The following ZMYND11 variants were observed in gnomAD, a reference collection of about 807,000 sequenced individuals.
ZMYND11 encodes the protein zinc finger MYND domain-containing protein 11.
Under a neutral mutation model 84.9 loss-of-function variants are expected in ZMYND11, and 9 were observed. The observed-to-expected ratio is 0.11, with a 90% CI of 0.06 to 0.18. The LOEUF is 0.18. Among genes scored for constraint, ZMYND11 ranks in the 10% least tolerant of loss-of-function variants. The pLI is 1.00. For synonymous variants in ZMYND11, 250 were observed against 244.1 expected (o/e 1.02, Z -0.23); for missense variants, 409 against 761.0 (o/e 0.54, Z 5.44).
intron 1 of ZMYND11, among the ~76,000 whole-genome samples, chr10:170,204 T>C (rs1191958642): frequency 7.2e-5 from 11 of 152,106 alleles, no homozygotes; most frequent in Non-Finnish European, 1.3e-4. Context: ...AAAGTAAAGA[T>C]ACAGACTTTC....
At chr10:247,084 T>C in intron 11 of ZMYND11, 111 bp downstream of exon 11, 1 of 1,171,686 alleles carries the variant, frequency 8.5e-7, no homozygotes, top group Admixed American at 2.2e-5. Context: ...CCTTCCCTTT[T>C]TTACATTTGT....
intron 1 of ZMYND11, among the ~76,000 whole-genome samples, chr10:159,236 T>C (rs1842468159): frequency 1.3e-5 from 2 of 152,060 alleles, no homozygotes; most frequent in African/African-American, 4.8e-5. Context: ...ATTTTATGTA[T>C]ACATCATTTT....
At chr10:137,013 A>G (rs1231644934) in intron 1 of ZMYND11, among the ~76,000 whole-genome samples, 1 of 152,120 alleles carries the variant, frequency 6.6e-6, no homozygotes, top group Non-Finnish European at 1.5e-5. Flanking sequence ...TGGCATGTAC[A>G]GTATGTATAC....
intron 2 of ZMYND11, among the ~76,000 whole-genome samples, chr10:184,093 G>A (rs1848437812): frequency 6.6e-6 from 1 of 152,080 alleles, no homozygotes; most frequent in South Asian, 2.1e-4. Context: ...GTGGCTACTG[G>A]GTTTTATTTA....
intron 1 of ZMYND11, among the ~76,000 whole-genome samples, chr10:168,998 TCTC>T (rs1330327494): frequency 8.5e-5 from 13 of 152,090 alleles, no homozygotes; most frequent in Middle Eastern, 3.4e-3. Flanking sequence ...TGAAGAAAAA[TCTC>T]CTTGTGCTTC....
intron 12 of ZMYND11, among the ~76,000 whole-genome samples, chr10:248,067 G>C (rs780002423): frequency 6.6e-6 from 1 of 152,114 alleles, no homozygotes; most frequent in Non-Finnish European, 1.5e-5. Flanking sequence ...TTATAGTATT[G>C]ATAAGTAAAA....
Position 247,555 on chromosome 10 carries a change from AG to A in ZMYND11, c.1227+90del, listed in dbSNP as rs1268610224. On this transcript the variant is annotated intron_variant, in intron 12 of 14. Coordinates refer to ENST00000381604, the MANE Select transcript of ZMYND11 (RefSeq NM_001370100.5). ...TGTATTTTCAAAGTATTTCAAAGAC[AG>A]TCACTCTTGGTGGATACTTGTGAAA... 4 of 1,393,706 alleles carry A rather than the reference AG, an allele frequency of 2.9e-6. No individual in the cohort carries two copies. The East Asian group carries it at 9.9e-5, about 35-fold the overall frequency. 86.3% of individuals were successfully genotyped at this position (1,393,706 alleles called of 1,614,324 possible). A position where few individuals can be genotyped will look rare whatever the true frequency, so the allele number is the denominator to read the frequency against.
upstream of ZMYND11, among the ~76,000 whole-genome samples, chr10:130,417 T>C (rs1461156038): frequency 3.9e-5 from 6 of 152,210 alleles, no homozygotes; most frequent in African/African-American, 1.4e-4. Flanking sequence ...GGAGCTCCTT[T>C]TGTGTCAGGC....
At chr10:223,032 CTT>C (rs11362687) in intron 4 of ZMYND11, among the ~76,000 whole-genome samples, 72 of 144,032 alleles carry the variant, frequency 5.0e-4, no homozygotes, top group East Asian at 1.0e-3. Flanking sequence ...TTCCTTTACT[CTT>C]TTTTTTTTTT....
intron 1 of ZMYND11, among the ~76,000 whole-genome samples, chr10:173,792 CAT>C (rs1258783039): frequency 2.0e-5 from 3 of 152,052 alleles, no homozygotes; most frequent in Non-Finnish European, 4.4e-5. Context: ...GACACATAAA[CAT>C]ATGAAAATAC....
At chr10:179,923 G>A (rs1847474548) in intron 1 of ZMYND11, 71 bp from the exon 2 acceptor site, 7 of 854,328 alleles carry the variant, frequency 8.2e-6, no homozygotes, top group Non-Finnish European at 1.3e-5. Context: ...TCCTGATAAT[G>A]TTACTCACTT....
intron 4 of ZMYND11, 77 bp from the exon 5 acceptor site, chr10:236,761 A>G: frequency 8.0e-7 from 1 of 1,250,010 alleles, no homozygotes; most frequent in Non-Finnish European, 1.1e-6. Context: ...TAAGTGTTTC[A>G]TATATGTCTT....
intron 1 of ZMYND11, among the ~76,000 whole-genome samples, chr10:159,062 T>G (rs1842407747): frequency 6.6e-6 from 1 of 150,728 alleles, no homozygotes; most frequent in South Asian, 2.1e-4. Context: ...ACAAAACTTT[T>G]TAATGTTGAA....
chr10:238,495 T>C (rs1950352186), intron 6 of ZMYND11, among the ~76,000 whole-genome samples: 2 of 152,130 alleles, frequency 1.3e-5, no homozygotes, highest in Non-Finnish European at 2.9e-5. Flanking sequence ...TAGCTGGGAC[T>C]ACAGGCGCCC....
chr10:172,524 G>A (rs1165722401), intron 1 of ZMYND11, among the ~76,000 whole-genome samples: 5 of 152,154 alleles, frequency 3.3e-5, no homozygotes, highest in Non-Finnish European at 7.3e-5. Flanking sequence ...GAAATGAAAT[G>A]CTTAGGTAGA....
chr10:202,320 C>T (rs188386164), intron 2 of ZMYND11, among the ~76,000 whole-genome samples: 111 of 152,180 alleles, frequency 7.3e-4, no homozygotes, highest in Admixed American at 1.8e-3. Flanking sequence ...TTTCTTTGAA[C>T]TTATTTCTTA....
chr10:141,405 G>A (rs1387782398), intron 1 of ZMYND11, among the ~76,000 whole-genome samples: 5 of 152,166 alleles, frequency 3.3e-5, no homozygotes, highest in Non-Finnish European at 7.3e-5. Flanking sequence ...AAAATGTAAA[G>A]GCAAGAGGAC....
chr10:141,535 A>G (rs554232022), intron 1 of ZMYND11, among the ~76,000 whole-genome samples: 4 of 152,366 alleles, frequency 2.6e-5, no homozygotes, highest in East Asian at 1.9e-4. Context: ...ATTACTTGCA[A>G]AGTCTTAGCA....
At chr10:199,112 G>T (rs1942481546) in intron 2 of ZMYND11, among the ~76,000 whole-genome samples, 1 of 152,128 alleles carries the variant, frequency 6.6e-6, no homozygotes, top group Non-Finnish European at 1.5e-5. Flanking sequence ...GCCTTTTCCA[G>T]AATTGGCAGA....
Sources: gnomAD v4.1 joint callset for allele counts (sites outside exome capture counted in the v4.1 genomes callset) on GRCh38, gnomAD v4.1.1 for gene constraint, MANE v1.5 for transcripts, NCBI Gene and HGNC (gene_info 2026-07-23, HGNC 2026-07-21) for gene names.